NKD1: variants seen among roughly 807,000 people sequenced by gnomAD.
NKD1 encodes protein naked cuticle homolog 1.
Under a neutral mutation model 56.0 loss-of-function variants are expected in NKD1, and 21 were observed. That is an observed-to-expected ratio of 0.38 (90% CI 0.27 to 0.54). The LOEUF (loss-of-function observed/expected upper bound fraction) is 0.54, where lower values mean the gene tolerates loss of function less well. Among genes scored for constraint, NKD1 ranks in the 20% least tolerant of loss-of-function variants. The pLI is 0.82. For synonymous variants in NKD1, 263 were observed against 265.7 expected (o/e 0.99, Z 0.10); for missense variants, 578 against 642.7 (o/e 0.90, Z 1.09).
intron 3 of NKD1, among the ~76,000 whole-genome samples, chr16:50,560,823 C>CTATCTATCT (rs1555487407): frequency 4.0e-5 from 6 of 148,546 alleles, no homozygotes; most frequent in African/African-American, 1.2e-4. Context: ...TACCCAAACC[C>CTATCTATCT]ATCTATCTAT....
rs1376973528 is a variant in NKD1, at chr16:50,636,733, C to G, written c.*2952C>G. ...GAATAAATGCATTTCTATATCTTCC[C>G]ATATGCATTTTGTTAATTTTTAAAG... is the stretch of plus-strand genomic sequence containing the variant. On this transcript the variant is annotated 3_prime_UTR_variant, in exon 10 of 10. Transcript: ENST00000268459. 1 of 152,182 alleles carries G rather than the reference C, an allele frequency of 6.6e-6. No homozygotes were observed. Among genetic ancestry groups the G allele is most frequent in the African/African-American group, 2.4e-5 (1 of 41,420 alleles). 9.4% of individuals were successfully genotyped at this position (152,182 alleles called of 1,614,324 possible).
intron 3 of NKD1, among the ~76,000 whole-genome samples, chr16:50,550,108 C>T (rs952356715): frequency 1.3e-5 from 2 of 151,968 alleles, no homozygotes; most frequent in African/African-American, 4.8e-5. Flanking sequence ...GATAGAGGGC[C>T]TCATTCCACT....
rs981622233 is a variant in NKD1, at chr16:50,598,260, T to TGC, written c.193-10033_193-10032insCG. On this transcript the variant is annotated intron_variant, in intron 3 of 9. Coordinates refer to ENST00000268459, the MANE Select transcript of NKD1 (RefSeq NM_033119.5). This position sits in a 1 kb window ranked among gnomAD's most constrained non-coding sequence, Gnocchi z 4.2. ...GTGTGTGTGTGTGTGTGTGTGTGTGTGTGCGCGCACACCTGTGCTCATGGA... is the reference window on the plus strand; with the variant it reads ...GTGTGTGTGTGTGTGTGTGTGTGTGTGCGTGCGCGCACACCTGTGCTCATGGA... Among the ~76,000 whole-genome samples the TGC allele has an allele frequency of 1.2e-4, 17 of 138,060 alleles. No individual in the cohort carries two copies. Among genetic ancestry groups the TGC allele is most frequent in the South Asian group, 6.5e-4 (3 of 4,646 alleles). The allele number at this position is 138,060 out of a possible 152,430, so 90.6% of individuals were successfully genotyped here. A position where few individuals can be genotyped will look rare whatever the true frequency, so the allele number is the denominator to read the frequency against.
intron 3 of NKD1, among the ~76,000 whole-genome samples, chr16:50,580,295 G>T (rs568350976): frequency 2.7e-4 from 41 of 152,360 alleles, no homozygotes; most frequent in African/African-American, 9.9e-4. Flanking sequence ...CTCACACTGT[G>T]TGCTCACCCC....
In NKD1 at chr16:50,623,727, G is replaced by C. The variant is rs1416309554; in HGVS notation, c.367-1758G>C. On this transcript the variant is annotated intron_variant, in intron 5 of 9. Transcript: ENST00000268459. The surrounding 1 kb of genome is among the most constrained non-coding windows in gnomAD (Gnocchi z 4.1). ...GCTGTCTTGGAAACAGGTAAGTGCTGTGTGTGTGTGTGTGTGTGTGTGTGT... is the reference window on the plus strand; with the variant it reads ...GCTGTCTTGGAAACAGGTAAGTGCTCTGTGTGTGTGTGTGTGTGTGTGTGT... 2.0e-5 allele frequency among the ~76,000 whole-genome samples: 2 copies of C among 98,492 alleles called. No homozygotes were observed. The highest frequency in any genetic ancestry group is 4.2e-5 in the African/African-American group (1 of 23,824). 64.6% of individuals were successfully genotyped at this position (98,492 alleles called of 152,430 possible). A position where few individuals can be genotyped will look rare whatever the true frequency, so the allele number is the denominator to read the frequency against.
intron 3 of NKD1, among the ~76,000 whole-genome samples, chr16:50,579,569 A>G (rs1390549062): frequency 1.6e-5 from 2 of 124,278 alleles, no homozygotes; most frequent in Non-Finnish European, 3.2e-5. Flanking sequence ...CCCGCCACGC[A>G]TGCACTGTCT....
chr16:50,616,968 A>G (rs1465438580), intron 4 of NKD1, among the ~76,000 whole-genome samples: 6 of 152,202 alleles, frequency 3.9e-5, no homozygotes, highest in Admixed American at 3.9e-4. Flanking sequence ...ACCAAGGGGA[A>G]GAGCCCCGAG....
At chr16:50,579,101 A>G (rs994392736) in intron 3 of NKD1, among the ~76,000 whole-genome samples, 3 of 152,096 alleles carry the variant, frequency 2.0e-5, no homozygotes, top group Non-Finnish European at 4.4e-5. Context: ...CTACCACTCT[A>G]ACCCGCCACA....
chr16:50,589,118 C>G (rs966086354), intron 3 of NKD1, among the ~76,000 whole-genome samples: 6 of 152,274 alleles, frequency 3.9e-5, no homozygotes, highest in South Asian at 2.1e-4. Flanking sequence ...CCTCTCCGAC[C>G]CCAGCACTCA....
intron 3 of NKD1, chr16:50,555,659 G>C: frequency 6.6e-6 from 1 of 152,600 alleles, no homozygotes; most frequent in East Asian, 1.9e-4. Flanking sequence ...ACTGCAGCGC[G>C]CCTGTGCCTA....
At chr16:50,574,565 T>A in intron 3 of NKD1, 1 of 985,408 alleles carries the variant, frequency 1.0e-6, no homozygotes, top group South Asian at 4.7e-5. Flanking sequence ...TCGCCTTGGA[T>A]TGATCTTGTT....
At chr16:50,569,438 C>T (rs1252335449) in intron 3 of NKD1, among the ~76,000 whole-genome samples, 1 of 152,158 alleles carries the variant, frequency 6.6e-6, no homozygotes, top group Non-Finnish European at 1.5e-5. Context: ...AGTTCACTCA[C>T]GCCCTCCCTG....
intron 4 of NKD1, among the ~76,000 whole-genome samples, chr16:50,617,344 G>T (rs1391629175): frequency 6.7e-6 from 1 of 148,724 alleles, no homozygotes; most frequent in Non-Finnish European, 1.5e-5. Flanking sequence ...TTTGATCTCA[G>T]CGGAGGAAAA....
At chr16:50,629,174 G>T (rs1021910752) in intron 6 of NKD1, among the ~76,000 whole-genome samples, 1 of 151,882 alleles carries the variant, frequency 6.6e-6, no homozygotes, top group African/African-American at 2.4e-5. Flanking sequence ...TGTTGCCCAG[G>T]CTGGTCTTGA....
intron 3 of NKD1, among the ~76,000 whole-genome samples, chr16:50,585,745 C>T (rs1961214940): frequency 6.6e-6 from 1 of 152,178 alleles, no homozygotes; most frequent in Non-Finnish European, 1.5e-5. Context: ...GGTCTTGTTT[C>T]CATTGGGAGT....
At chr16:50,560,930 T>C in intron 3 of NKD1, among the ~76,000 whole-genome samples, 1 of 152,130 alleles carries the variant, frequency 6.6e-6, no homozygotes, top group Non-Finnish European at 1.5e-5. Flanking sequence ...AGAAAAACGC[T>C]GGTGTGGGTC....
chr16:50,629,783 C>T (rs1962302607), intron 6 of NKD1, among the ~76,000 whole-genome samples: 1 of 152,066 alleles, frequency 6.6e-6, no homozygotes, highest in South Asian at 2.1e-4. Context: ...AAACAAAAAT[C>T]CAAAGTACAG....
chr16:50,604,272 C>T (rs1355531218), intron 3 of NKD1, among the ~76,000 whole-genome samples: 1 of 152,188 alleles, frequency 6.6e-6, no homozygotes, highest in East Asian at 1.9e-4. Context: ...ATCTGTAAAA[C>T]AGGGTAATCA....
At chr16:50,611,217 C>G (rs904912930) in intron 4 of NKD1, among the ~76,000 whole-genome samples, 1 of 152,230 alleles carries the variant, frequency 6.6e-6, no homozygotes, top group African/African-American at 2.4e-5. Flanking sequence ...TCCAGGTCCC[C>G]CCTGCCTCTC....
Sources: gnomAD v4.1 joint callset for allele counts (sites outside exome capture counted in the v4.1 genomes callset) on GRCh38, gnomAD v4.1.1 for gene constraint, Gnocchi (gnomAD v3.1) non-coding constraint, MANE v1.5 for transcripts, NCBI Gene and HGNC (gene_info 2026-07-23, HGNC 2026-07-21) for gene names.